Variants in MACF1 observed in about 807,000 individuals in gnomAD.
MACF1 encodes microtubule actin crosslinking factor 1.
MACF1 carries 193 observed loss-of-function variants against 854.8 expected under a neutral mutation model. The observed-to-expected ratio is 0.23, with a 90% confidence interval of 0.20 to 0.25. MACF1 has a LOEUF of 0.25. MACF1 is among the 10% of genes least tolerant of loss of function. MACF1 has a pLI of 1.00. For synonymous variants in MACF1, 3,185 were observed against 3,226.7 expected, an observed-to-expected ratio of 0.99 and a Z score of 0.44; for missense variants, 7,722 against 8,929.1, an observed-to-expected ratio of 0.86 and a Z score of 5.45.
intron 41 of MACF1, among the ~76,000 whole-genome samples, chr1:39,347,586 C>A (rs1045461911): frequency 5.3e-5 from 8 of 152,124 alleles, no homozygotes; most frequent in African/African-American, 9.7e-5. Context: ...CTCGTAAGAA[C>A]ATCTAGATAC....
intron 2 of MACF1, chr1:39,102,726 T>A (rs1399864720): frequency 1.4e-6 from 1 of 701,496 alleles, no homozygotes; most frequent in South Asian, 1.5e-5. Flanking sequence ...TACATCCTTC[T>A]GCTTCCCCCA....
intron 89 of MACF1, 189 bp from the exon 90 acceptor site, chr1:39,458,181 T>G (rs1644479979): frequency 1.1e-5 from 6 of 554,670 alleles, no homozygotes; most frequent in Non-Finnish European, 1.9e-5. Context: ...GGAAATCACA[T>G]TTCAACATGA....
chr1:39,300,945 C>T (rs115812438), intron 22 of MACF1, among the ~76,000 whole-genome samples: 8 of 152,032 alleles, frequency 5.3e-5, no homozygotes, highest in South Asian at 4.2e-4. Flanking sequence ...TCGCTTGAGC[C>T]GAGGAAGTGG....
At chr1:39,402,162 A>G (rs916089801) in intron 58 of MACF1, among the ~76,000 whole-genome samples, 3 of 152,222 alleles carry the variant, frequency 2.0e-5, no homozygotes, top group African/African-American at 7.2e-5. Flanking sequence ...CAGTGAGCCA[A>G]GATCGCACCA....
intron 15 of MACF1, among the ~76,000 whole-genome samples, chr1:39,290,556 T>C (rs1645753071): frequency 6.6e-6 from 1 of 151,620 alleles, no homozygotes; most frequent in South Asian, 2.1e-4. Context: ...TTTTTTTTTA[T>C]TTCTGTGAAG....
intron 2 of MACF1, among the ~76,000 whole-genome samples, chr1:39,152,981 T>C (rs1480599831): frequency 6.6e-6 from 1 of 152,158 alleles, no homozygotes; most frequent in Non-Finnish European, 1.5e-5. Context: ...AATAACCAAA[T>C]GTAGTTCTCC....
At chr1:39,345,670 C>A (rs966574655) in intron 40 of MACF1, among the ~76,000 whole-genome samples, 1 of 152,174 alleles carries the variant, frequency 6.6e-6, no homozygotes, top group African/African-American at 2.4e-5. Context: ...ACTGGCCTAC[C>A]AGTAACTCAT....
chr1:39,391,573 G>T (rs1429933068), intron 58 of MACF1, among the ~76,000 whole-genome samples: 1 of 152,154 alleles, frequency 6.6e-6, no homozygotes, highest in Non-Finnish European at 1.5e-5. Context: ...AGATAAACAG[G>T]CCTGTTAAAA....
intron 6 of MACF1, among the ~76,000 whole-genome samples, chr1:39,264,878 G>C (rs1286895751): frequency 6.6e-6 from 1 of 151,682 alleles, no homozygotes; most frequent in African/African-American, 2.4e-5. Context: ...GTTTCACCTT[G>C]TTAGCCAGGA....
At chr1:39,464,807 G>A (rs1477476891) in intron 94 of MACF1, 1 of 378,546 alleles carries the variant, frequency 2.6e-6, no homozygotes, top group East Asian at 6.1e-5. Context: ...CCAACTACTA[G>A]GGAGGCTGAG....
chr1:39,192,542 A>G (rs1400045084), intron 2 of MACF1, among the ~76,000 whole-genome samples: 2 of 152,240 alleles, frequency 1.3e-5, no homozygotes, highest in Admixed American at 6.5e-5. Flanking sequence ...TCTATGTTAC[A>G]GGTGTATATA....
chr1:39,185,780 G>A (rs552381827), intron 2 of MACF1, among the ~76,000 whole-genome samples: 2 of 152,204 alleles, frequency 1.3e-5, no homozygotes, highest in Admixed American at 1.3e-4. Flanking sequence ...GACTTTCCGG[G>A]GGCTTAGTTA....
chr1:39,147,068 C>T (rs1643482501), intron 2 of MACF1, among the ~76,000 whole-genome samples: 1 of 149,906 alleles, frequency 6.7e-6, no homozygotes, highest in South Asian at 2.1e-4. Flanking sequence ...TCTCCTCCTC[C>T]TTCTCTCTCT....
At chr1:39,440,073 C>A (rs1644069047) in intron 72 of MACF1, among the ~76,000 whole-genome samples, 1 of 128,784 alleles carries the variant, frequency 7.8e-6, no homozygotes, top group Non-Finnish European at 1.6e-5. Context: ...GTTTTTGGTG[C>A]TATTTTTCTT....
chr1:39,485,623 T>C lies in MACF1; in HGVS notation c.22497T>C (p.Ala7499=), dbSNP rs2124272966. 1 of 1,614,188 alleles carries C rather than the reference T, an allele frequency of 6.2e-7. No individual in the cohort carries two copies. The highest frequency in any genetic ancestry group is 8.5e-7 in the Non-Finnish European group (1 of 1,180,028). ...CCAGCAGCCGGCGAGGAAGTGACGCTTCTGACTTTGACCTCTTAGAGACGC... is the reference window on the plus strand; with the variant it reads ...CCAGCAGCCGGCGAGGAAGTGACGCCTCTGACTTTGACCTCTTAGAGACGC... The part of the protein sequence containing the change: ...SRASSRRGSD[A]SDFDLLETQS... The change falls in exon 101 of 101, where the codon GCT becomes GCC. Residue 7499 remains alanine, a synonymous_variant. Transcript: ENST00000564288.
intron 33 of MACF1, among the ~76,000 whole-genome samples, chr1:39,323,765 CT>C (rs1471667860): frequency 6.6e-6 from 1 of 152,168 alleles, no homozygotes; most frequent in Non-Finnish European, 1.5e-5. Flanking sequence ...ACCATACCAT[CT>C]TTTGCTTTTT....
chr1:39,293,358 A>C, intron 17 of MACF1, 100 bp from the exon 18 acceptor site: 1 of 1,120,670 alleles, frequency 8.9e-7, no homozygotes, highest in Non-Finnish European at 1.3e-6. Flanking sequence ...ATTAAGAGCA[A>C]ATTAATTTCC....
intron 26 of MACF1, among the ~76,000 whole-genome samples, chr1:39,312,410 T>C (rs2148438445): frequency 6.6e-6 from 1 of 152,334 alleles, no homozygotes. Context: ...ATTCCTTTTT[T>C]ATCTTGAGAG....
intron 2 of MACF1, among the ~76,000 whole-genome samples, chr1:39,194,248 T>C (rs1188220950): frequency 2.0e-5 from 3 of 152,094 alleles, no homozygotes; most frequent in African/African-American, 7.2e-5. Context: ...GTTGCTGAGC[T>C]TGATAGGAAG....
Sources: gnomAD v4.1 joint callset for allele counts (sites outside exome capture counted in the v4.1 genomes callset) on GRCh38, gnomAD v4.1.1 for gene constraint, MANE v1.5 for transcripts, NCBI Gene and HGNC (gene_info 2026-07-23, HGNC 2026-07-21) for gene names.